The following GLIS3 variants were observed in gnomAD, a reference collection of about 807,000 sequenced individuals.
The protein encoded by GLIS3 is zinc finger protein GLIS3.
GLIS3 carries 53 observed loss-of-function variants against 78.6 expected under a neutral mutation model. That is an observed-to-expected ratio of 0.67 (90% CI 0.54 to 0.85). The LOEUF (loss-of-function observed/expected upper bound fraction) is 0.85, where lower values mean the gene tolerates loss of function less well. GLIS3 is among the 40% of genes least tolerant of loss of function. The pLI is 0.00. For missense variants in GLIS3, 1,703 were observed against 1,231.1 expected, an observed-to-expected ratio of 1.38 and a Z score of -5.74; for synonymous variants, 684 against 509.9, an observed-to-expected ratio of 1.34 and a Z score of -4.60.
chr9:4,096,961 G>A (rs1455288240), intron 4 of GLIS3, among the ~76,000 whole-genome samples: 3 of 152,212 alleles, frequency 2.0e-5, no homozygotes, highest in African/African-American at 2.4e-5. Context: ...GCAGTGAGCC[G>A]AGATCGTGCC....
intron 4 of GLIS3, among the ~76,000 whole-genome samples, chr9:4,042,854 T>A: frequency 6.6e-6 from 1 of 151,982 alleles, no homozygotes. Context: ...TAAAGGAAAT[T>A]ATATTGAGTT....
chr9:4,057,613 C>A (rs1031622296), intron 4 of GLIS3, among the ~76,000 whole-genome samples: 7 of 150,796 alleles, frequency 4.6e-5, no homozygotes, highest in African/African-American at 1.7e-4. Context: ...TTGTGTGAAC[C>A]AGTTTACTCC....
At chr9:4,186,492 A>G (rs1294647970) in intron 2 of GLIS3, among the ~76,000 whole-genome samples, 1 of 152,000 alleles carries the variant, frequency 6.6e-6, no homozygotes, top group Non-Finnish European at 1.5e-5. Context: ...AGCATGATTT[A>G]TAATCCTTTG....
chr9:4,386,564 G>A, the GLIS3 span: 1 of 152,198 alleles, frequency 6.6e-6, no homozygotes, highest in African/African-American at 2.4e-5. Flanking sequence ...CACACACAAA[G>A]AAGGGTTTTA....
chr9:4,329,806 C>T (rs545338132), intron 2 of GLIS3, among the ~76,000 whole-genome samples: 3 of 152,134 alleles, frequency 2.0e-5, no homozygotes, highest in Non-Finnish European at 4.4e-5. Context: ...ACTGTCATTT[C>T]TTCAAGTGAT....
chr9:4,118,589 G>A lies in GLIS3; in HGVS notation c.889C>T (p.Arg297Cys), dbSNP rs757448015. The A allele has an allele frequency of 3.1e-6, 5 of 1,614,228 alleles. No individual in the cohort carries two copies. Among genetic ancestry groups the A allele is most frequent in the South Asian group, 1.1e-5 (1 of 91,086 alleles). ...AAGGACAGCGCTCTCTTCTTGGAGC[G>A]GGCCGAGTGGGACCTGGTGGATGAG... ...RHSSTRSHSA[R>C]SKKRALSLSP... The change falls in exon 4 of 11, where the codon CGC (arginine) becomes TGC (cysteine). Residue 297 changes from arginine (R) to cysteine (C), a missense_variant. Transcript: ENST00000381971. This position sits in a 1 kb window ranked among gnomAD's most constrained non-coding sequence, Gnocchi z 4.7.
chr9:4,388,309 G>A, the GLIS3 span, among the ~76,000 whole-genome samples: 11 of 152,086 alleles, frequency 7.2e-5, no homozygotes, highest in African/African-American at 2.7e-4. Flanking sequence ...GGGAAAAGCT[G>A]TTCACATCAA....
intron 6 of GLIS3, among the ~76,000 whole-genome samples, chr9:3,924,576 C>G (rs912344417): frequency 2.0e-5 from 3 of 152,150 alleles, no homozygotes; most frequent in Admixed American, 2.0e-4. Flanking sequence ...ACCCTGAAAA[C>G]AAATCTTCAC....
chr9:3,908,881 T>C (rs974671539), intron 6 of GLIS3, among the ~76,000 whole-genome samples: 1 of 152,154 alleles, frequency 6.6e-6, no homozygotes, highest in Non-Finnish European at 1.5e-5. Flanking sequence ...AGGCCCAGAT[T>C]CTTCAATTTT....
chr9:3,957,670 AACAG>A (rs1170291524), intron 4 of GLIS3, among the ~76,000 whole-genome samples: 5 of 152,250 alleles, frequency 3.3e-5, no homozygotes, highest in East Asian at 3.8e-4. Context: ...GACTCTGGAA[AACAG>A]ACAAAGAAAT....
chr9:4,300,658 T>TGCGTATGTAAGG (rs1817029879), upstream of GLIS3, among the ~76,000 whole-genome samples: 1 of 152,176 alleles, frequency 6.6e-6, no homozygotes, highest in South Asian at 2.1e-4. Context: ...ATGTTACGTC[T>TGCGTATGTAAGG]ATAAAGTGGC....
intron 2 of GLIS3, among the ~76,000 whole-genome samples, chr9:4,260,796 TTCAC>T (rs1825452489): frequency 6.6e-6 from 1 of 152,024 alleles, no homozygotes; most frequent in South Asian, 2.1e-4. Context: ...ACTTGCTCCA[TTCAC>T]TCAAGAAATA....
chr9:3,845,384 G>A (rs946740071), intron 9 of GLIS3, among the ~76,000 whole-genome samples: 1 of 152,102 alleles, frequency 6.6e-6, no homozygotes, highest in African/African-American at 2.4e-5. Context: ...ACACAGTTAT[G>A]TCTCCTTCTA....
chr9:4,327,031 G>C (rs769664586), intron 2 of GLIS3, among the ~76,000 whole-genome samples: 10 of 152,222 alleles, frequency 6.6e-5, no homozygotes, highest in Non-Finnish European at 8.8e-5. Flanking sequence ...AGGTGGGGTA[G>C]ACAGACATGA....
the GLIS3 span, among the ~76,000 whole-genome samples, chr9:4,457,264 G>C: frequency 2.6e-5 from 4 of 151,910 alleles, no homozygotes; most frequent in Non-Finnish European, 4.4e-5. Context: ...AGGAAGTTGA[G>C]GTGGGAGGAT....
intron 9 of GLIS3, among the ~76,000 whole-genome samples, chr9:3,839,849 T>A (rs1818608413): frequency 6.6e-6 from 1 of 152,196 alleles, no homozygotes; most frequent in Admixed American, 6.5e-5. Context: ...GAGAAAAGTA[T>A]TTAATTAATT....
intron 4 of GLIS3, among the ~76,000 whole-genome samples, chr9:3,991,385 G>C (rs527880694): frequency 6.6e-6 from 1 of 152,080 alleles, no homozygotes; most frequent in East Asian, 1.9e-4. Flanking sequence ...AGTCTGAAGA[G>C]ACATTAAGTA....
chr9:4,149,763 G>C (rs927617150), intron 2 of GLIS3, among the ~76,000 whole-genome samples: 10 of 152,156 alleles, frequency 6.6e-5, no homozygotes, highest in African/African-American at 2.4e-4. Flanking sequence ...GTAGGAGCAG[G>C]TGAAACAGAG....
chr9:4,409,066 G>A, the GLIS3 span, among the ~76,000 whole-genome samples: 2 of 151,972 alleles, frequency 1.3e-5, no homozygotes, highest in Non-Finnish European at 2.9e-5. Context: ...AAAAAACAAG[G>A]TGTAACTTAT....
Sources: gnomAD v4.1 joint callset for allele counts (sites outside exome capture counted in the v4.1 genomes callset) on GRCh38, gnomAD v4.1.1 for gene constraint, Gnocchi (gnomAD v3.1) non-coding constraint, MANE v1.5 for transcripts, NCBI Gene and HGNC (gene_info 2026-07-23, HGNC 2026-07-21) for gene names.